PCDH9: variants seen among roughly 807,000 people sequenced by gnomAD.
The protein encoded by PCDH9 is protocadherin-9.
A neutral mutation model predicts 70.6 loss-of-function variants in PCDH9; 24 were observed. The ratio of observed to expected loss-of-function variants is 0.34; its 90% CI spans 0.25 to 0.48. PCDH9 has a LOEUF of 0.48. PCDH9 is among the 20% of genes least tolerant of loss of function. PCDH9 has a pLI of 0.99. For synonymous variants in PCDH9, 562 were observed against 558.5 expected, an observed-to-expected ratio of 1.01 and a Z score of -0.09; for missense variants, 1,281 against 1,503.6, an observed-to-expected ratio of 0.85 and a Z score of 2.45.
intron 4 of PCDH9, among the ~76,000 whole-genome samples, chr13:66,578,340 T>C (rs186414420): frequency 1.3e-5 from 2 of 152,190 alleles, no homozygotes; most frequent in African/African-American, 2.4e-5. Context: ...TTGAGTATTA[T>C]TCATTGTCTG....
intron 4 of PCDH9, among the ~76,000 whole-genome samples, chr13:66,548,605 AAAC>A (rs1961327655): frequency 6.6e-6 from 1 of 152,042 alleles, no homozygotes; most frequent in Admixed American, 6.6e-5. Context: ...AAAAAAATAA[AAAC>A]AGTTTCTGTA....
chr13:66,630,380 A>G (rs1301868385), intron 4 of PCDH9, among the ~76,000 whole-genome samples: 1 of 152,172 alleles, frequency 6.6e-6, no homozygotes, highest in Non-Finnish European at 1.5e-5. Context: ...TAGACTGGGG[A>G]TAATAATTGA....
At chr13:66,615,597 T>A (rs548936709) in intron 4 of PCDH9, among the ~76,000 whole-genome samples, 19 of 152,204 alleles carry the variant, frequency 1.2e-4, no homozygotes, top group Non-Finnish European at 2.5e-4. Flanking sequence ...AGGCTTCTGA[T>A]AACTTTGGAG....
chr13:66,996,114 G>A (rs1473410805), intron 2 of PCDH9: 2 of 152,146 alleles, frequency 1.3e-5, no homozygotes, highest in Admixed American at 6.5e-5. Context: ...TTATCTGAGA[G>A]GCACAAGGAA....
chr13:66,521,915 A>T (rs1190291435), intron 4 of PCDH9, among the ~76,000 whole-genome samples: 3 of 151,670 alleles, frequency 2.0e-5, no homozygotes, highest in Non-Finnish European at 4.4e-5. Context: ...CCTGGAGTAG[A>T]TTTTCATTAA....
chr13:66,886,175 C>T (rs1167096842), intron 3 of PCDH9: 1 of 152,156 alleles, frequency 6.6e-6, no homozygotes, highest in Non-Finnish European at 1.5e-5. Flanking sequence ...CTCTGTTTGG[C>T]TCTTTTTTAA....
At chr13:66,826,302 A>G (rs904219498) in intron 3 of PCDH9, among the ~76,000 whole-genome samples, 3 of 152,148 alleles carry the variant, frequency 2.0e-5, no homozygotes, top group Non-Finnish European at 4.4e-5. Flanking sequence ...AGGATTCCCT[A>G]GTTTTTGGTT....
At chr13:66,623,081 A>G (rs548377015) in intron 4 of PCDH9, among the ~76,000 whole-genome samples, 13 of 152,298 alleles carry the variant, frequency 8.5e-5, no homozygotes, top group Admixed American at 6.5e-4. Flanking sequence ...ACACATCCGA[A>G]CATCAGAAAG....
At chr13:66,444,479 T>G (rs1402370616) in intron 4 of PCDH9, among the ~76,000 whole-genome samples, 1 of 151,922 alleles carries the variant, frequency 6.6e-6, no homozygotes, top group Admixed American at 6.6e-5. Context: ...TTTTGCTTTC[T>G]CCTAATAAGA....
intron 4 of PCDH9, among the ~76,000 whole-genome samples, chr13:66,421,049 C>T (rs1341782782): frequency 6.6e-6 from 1 of 151,208 alleles, no homozygotes; most frequent in Non-Finnish European, 1.5e-5. Flanking sequence ...GTATCAATGG[C>T]CAAATCTATC....
chr13:66,434,011 A>G (rs1330678583), intron 4 of PCDH9, among the ~76,000 whole-genome samples: 1 of 151,916 alleles, frequency 6.6e-6, no homozygotes, highest in Admixed American at 6.6e-5. Flanking sequence ...CTAATTTTCT[A>G]AACCTTAGAA....
At chr13:66,462,568 C>A (rs1224826916) in intron 4 of PCDH9, among the ~76,000 whole-genome samples, 3 of 151,756 alleles carry the variant, frequency 2.0e-5, no homozygotes, top group African/African-American at 7.3e-5. Flanking sequence ...AAAACAAATA[C>A]TATTGTTGTC....
intron 3 of PCDH9, among the ~76,000 whole-genome samples, chr13:66,680,987 A>G (rs934421282): frequency 1.3e-5 from 2 of 152,066 alleles, no homozygotes; most frequent in Non-Finnish European, 2.9e-5. Context: ...CTGGGAAACC[A>G]GCTCAATTAT....
At chr13:66,335,687 C>G in intron 4 of PCDH9, among the ~76,000 whole-genome samples, 1 of 152,004 alleles carries the variant, frequency 6.6e-6, no homozygotes, top group East Asian at 1.9e-4. Flanking sequence ...AACTTATAGC[C>G]ACAGTGGTAG....
At chr13:67,161,741 G>A (rs1348587430) in intron 2 of PCDH9, among the ~76,000 whole-genome samples, 1 of 152,198 alleles carries the variant, frequency 6.6e-6, no homozygotes, top group African/African-American at 2.4e-5. Flanking sequence ...TGAGCAGGGA[G>A]AGGGAAATTA....
chr13:67,033,278 A>G (rs1392212732), intron 2 of PCDH9, among the ~76,000 whole-genome samples: 1 of 152,174 alleles, frequency 6.6e-6, no homozygotes, highest in Admixed American at 6.5e-5. Flanking sequence ...GAGAAAGTCA[A>G]TGTTGAAATA....
intron 2 of PCDH9, among the ~76,000 whole-genome samples, chr13:67,114,453 A>C (rs895973050): frequency 2.0e-5 from 3 of 152,224 alleles, no homozygotes; most frequent in African/African-American, 4.8e-5. Flanking sequence ...ACTTACTTTC[A>C]ATGAGGCATC....
intron 3 of PCDH9, among the ~76,000 whole-genome samples, chr13:66,679,543 T>C (rs2078290055): frequency 1.3e-5 from 2 of 151,904 alleles, no homozygotes; most frequent in South Asian, 4.1e-4. Flanking sequence ...TTAATTTTTT[T>C]TTGCTCCAAA....
At chr13:66,912,164 A>G (rs1806095892) in intron 2 of PCDH9, among the ~76,000 whole-genome samples, 1 of 152,176 alleles carries the variant, frequency 6.6e-6, no homozygotes, top group Admixed American at 6.6e-5. Context: ...TAGGAATTTA[A>G]GGGTGAACAT....
Sources: allele counts gnomAD v4.1 joint callset (sites outside exome capture counted in the v4.1 genomes callset), GRCh38; gene constraint gnomAD v4.1.1; transcripts MANE v1.5; gene names NCBI Gene and HGNC (gene_info 2026-07-23, HGNC 2026-07-21).